The following PPP6R1 variants were observed in gnomAD, a reference collection of about 807,000 sequenced individuals.
The protein encoded by PPP6R1 is protein phosphatase 6 regulatory subunit 1, also known as serine/threonine-protein phosphatase 6 regulatory subunit 1.
PPP6R1 carries 39 observed loss-of-function variants against 104.6 expected under a neutral mutation model. The observed-to-expected ratio is 0.37, with a 90% CI of 0.29 to 0.49. The LOEUF is 0.49. Among genes scored for constraint, PPP6R1 ranks in the 20% least tolerant of loss-of-function variants. PPP6R1 has a pLI of 0.98. For synonymous variants in PPP6R1, 549 were observed against 479.0 expected (o/e 1.15, Z -1.91); for missense variants, 1,181 against 1,155.8 (o/e 1.02, Z -0.32).
chr19:55,246,463 TAAGTA>T (rs1437220142), intron 2 of PPP6R1, among the ~76,000 whole-genome samples: 3 of 142,944 alleles, frequency 2.1e-5, no homozygotes, highest in East Asian at 2.0e-4. Flanking sequence ...GATTAAAAAA[TAAGTA>T]AAGTGTCTTC....
intron 17 of PPP6R1, among the ~76,000 whole-genome samples, chr19:55,235,847 T>TC (rs1316611723): frequency 1.4e-5 from 2 of 146,768 alleles, no homozygotes; most frequent in East Asian, 4.0e-4. Context: ...ATTCTTTTTT[T>TC]TTTTTTTTTT....
rs200237875 is a variant in PPP6R1 at position 55,247,029 on chromosome 19, G to T, written c.75C>A (p.Pro25=). The T allele has an allele frequency of 5.6e-6, 9 of 1,613,750 alleles. No individual in the cohort carries two copies. The East Asian group carries it at 1.6e-4, about 28-fold the overall frequency. The change falls in exon 2 of 24, where the codon CCC becomes CCA. Residue 25 remains proline (P), a synonymous_variant. Coordinates refer to ENST00000412770, the MANE Select transcript of PPP6R1 (RefSeq NM_014931.4). ...GCACGTCTTCCTCGTCCAGCAGCTCGGGCAGGCTCAGGTCCTCCCGCTCCA... is the reference window on the plus strand; with the variant it reads ...GCACGTCTTCCTCGTCCAGCAGCTCTGGCAGGCTCAGGTCCTCCCGCTCCA... The part of the protein sequence containing the change: ...TLLEREDLSL[P]ELLDEEDVLQ...
intron 21 of PPP6R1, 28 bp downstream of exon 21, chr19:55,231,382 T>TGA: frequency 6.4e-7 from 1 of 1,559,956 alleles, no homozygotes; most frequent in Non-Finnish European, 8.7e-7. Flanking sequence ...CTTCTCCCGA[T>TGA]ACTAGGCAGC....
intron 17 of PPP6R1, among the ~76,000 whole-genome samples, chr19:55,235,588 G>A (rs552601437): frequency 2.0e-5 from 3 of 149,510 alleles, no homozygotes; most frequent in East Asian, 2.0e-4. Flanking sequence ...GCGCAATCTT[G>A]GCTCACTGCA....
intron 1 of PPP6R1, among the ~76,000 whole-genome samples, chr19:55,254,618 G>C (rs1040718353): frequency 3.3e-5 from 5 of 152,182 alleles, no homozygotes; most frequent in Non-Finnish European, 7.3e-5. Context: ...AGAAATGGAG[G>C]TCATGGGCAC....
At chr19:55,237,236 G>T (rs1246688636) in intron 15 of PPP6R1, among the ~76,000 whole-genome samples, 1 of 152,106 alleles carries the variant, frequency 6.6e-6, no homozygotes, top group Admixed American at 6.5e-5. Context: ...TGAGAAAATG[G>T]GGCTCGGAAA....
Position 55,258,437 on chromosome 19 carries a change from G to A in PPP6R1, c.-9C>T, listed in dbSNP as rs1003085638. Reference sequence around the variant, plus strand: ...GTCGGGCGACGCGGGCCGCTCACCTGCGAGGGGGGGCGGCGGCTCCTCGCA... The same window carrying A: ...GTCGGGCGACGCGGGCCGCTCACCTACGAGGGGGGGCGGCGGCTCCTCGCA... On this transcript the variant is annotated splice_region_variant and 5_prime_UTR_variant, in exon 1 of 24. Coordinates refer to ENST00000412770, the MANE Select transcript of PPP6R1 (RefSeq NM_014931.4). The A allele has an allele frequency of 6.0e-5, 9 of 151,228 alleles. No individual in the cohort carries two copies. Among genetic ancestry groups the A allele is most frequent in the African/African-American group, 1.7e-4 (7 of 41,388 alleles). The allele number at this position is 151,228 out of a possible 1,614,324, so 9.4% of individuals were successfully genotyped here.
At chr19:55,228,283 G>C, downstream of PPP6R1, 4 of 1,613,364 alleles carry the variant, frequency 2.5e-6, no homozygotes, top group Non-Finnish European at 3.4e-6. Context: ...GCCCCCGCTT[G>C]GGGACATGAC....
chr19:55,231,438 T>C lies in PPP6R1; in HGVS notation c.2431A>G (p.Ile811Val). The change falls in exon 21 of 24, where the codon ATC (isoleucine) becomes GTC (valine). Residue 811 changes from isoleucine to valine, a missense_variant. Physicochemically the swap from Ile to Val is conservative, Grantham distance 29 (BLOSUM62 3). Coordinates refer to ENST00000412770, the MANE Select transcript of PPP6R1 (RefSeq NM_014931.4). ...TCCGAGGAGCTGGGGGCAGAACGGA[T>C]CCCGTGGAAGGTGGCCTGAAGGTCC... ...IGDLQATFHG[I>V]RSAPSSSDSA... 1.9e-6 allele frequency: 3 copies of C among 1,606,178 alleles called. No individual in the cohort carries two copies. The South Asian group carries it at 3.4e-5, about 18-fold the overall frequency.
Position 55,236,580 on chromosome 19 carries a change from G to T in PPP6R1, c.1988+63C>A, listed in dbSNP as rs148983226. The T allele has an allele frequency of 8.2e-4, 1,187 of 1,442,998 alleles. 26 individuals are homozygous for T. The East Asian group carries it at 0.029, about 35-fold the overall frequency. The allele number at this position is 1,442,998 out of a possible 1,614,324, so 89.4% of individuals were successfully genotyped here. A position where few individuals can be genotyped will look rare whatever the true frequency, so the allele number is the denominator to read the frequency against. On this transcript the variant is annotated intron_variant, in intron 17 of 23. Coordinates refer to ENST00000412770, the MANE Select transcript of PPP6R1 (RefSeq NM_014931.4). The stretch of plus-strand genomic sequence containing the variant: ...TTCAGCCTCAGTCCAAATGTGTTGG[G>T]GGGACCCCTTGGCCCTGCCGTGTGG...
At chr19:55,257,466 T>C (rs947893879) in intron 1 of PPP6R1, among the ~76,000 whole-genome samples, 1 of 152,216 alleles carries the variant, frequency 6.6e-6, no homozygotes, top group African/African-American at 2.4e-5. Flanking sequence ...ATTCGAGGCC[T>C]GGATAAGCAC....
At chr19:55,228,995 A>C (rs115457296), downstream of PPP6R1, 3,168 of 476,000 alleles carry the variant, frequency 6.7e-3, 80 homozygotes, top group African/African-American at 0.057. Flanking sequence ...CTGCCTGGGG[A>C]GGTTAGGCCC....
chr19:55,251,202 T>A (rs746362802), intron 1 of PPP6R1, among the ~76,000 whole-genome samples: 1 of 152,128 alleles, frequency 6.6e-6, no homozygotes, highest in Non-Finnish European at 1.5e-5. Context: ...AGCATCTCTG[T>A]GACACAGCAA....
At position 55,245,702 on chromosome 19, in the gene PPP6R1, G is replaced by C; in HGVS notation, c.228-24C>G. 2.5e-6 allele frequency: 4 copies of C among 1,591,874 alleles called. No individual in the cohort carries two copies. Among genetic ancestry groups the C allele is most frequent in the Non-Finnish European group, 3.4e-6 (4 of 1,172,118 alleles). ...ACCTGGGAGGCAAGCACAGGCGGGT[G>C]GGGGCTCGGGTCGGAGGCCGGGGGC... is the stretch of plus-strand genomic sequence containing the variant. On this transcript the variant is annotated intron_variant, in intron 2 of 23. Transcript: ENST00000412770. This position sits in a 1 kb window ranked among gnomAD's most constrained non-coding sequence, Gnocchi z 6.4.
chr19:55,237,090 A>G (rs780931203), intron 15 of PPP6R1, 120 bp from the exon 16 acceptor site: 10 of 1,095,818 alleles, frequency 9.1e-6, no homozygotes, highest in Non-Finnish European at 1.4e-5. Context: ...CAGATTTGGT[A>G]TCTGCAAATT....
At position 55,245,074 on chromosome 19, in the gene PPP6R1, G is replaced by A. The variant is rs765232603; in HGVS notation, c.618+46C>T. 2 of 1,602,808 alleles carry A rather than the reference G, an allele frequency of 1.2e-6. No homozygotes were observed. Among genetic ancestry groups the A allele is most frequent in the African/African-American group, 1.3e-5 (1 of 74,878 alleles). On this transcript the variant is annotated intron_variant, in intron 5 of 23. Transcript: ENST00000412770. The surrounding 1 kb of genome is among the most constrained non-coding windows in gnomAD (Gnocchi z 6.4). Reference sequence around the variant, plus strand: ...TTTAAAAGTGGGGAAGTGGGCATGGGGAAGGAACTCTAAGGGGAATCCGCA... The same window carrying A: ...TTTAAAAGTGGGGAAGTGGGCATGGAGAAGGAACTCTAAGGGGAATCCGCA...
At chr19:55,251,766 A>T (rs1162083433) in intron 1 of PPP6R1, among the ~76,000 whole-genome samples, 1 of 152,200 alleles carries the variant, frequency 6.6e-6, no homozygotes, top group African/African-American at 2.4e-5. Context: ...ACTCAGGCTC[A>T]GCAAAGGTGA....
chr19:55,230,925 A>T (rs2122503380), intron 21 of PPP6R1, 41 bp from the exon 22 acceptor site: 1 of 1,485,402 alleles, frequency 6.7e-7, no homozygotes, highest in East Asian at 2.3e-5. Context: ...CGTGGCCCCC[A>T]CCGTCACCTG....
rs773423516 is a variant in PPP6R1 at position 55,247,239 on chromosome 19, A to T, written c.-6-130T>A. 5 of 985,040 alleles carry T rather than the reference A, an allele frequency of 5.1e-6. No individual in the cohort carries two copies. In the South Asian group the frequency reaches 5.9e-5, roughly 12 times the overall value. 61.0% of individuals were successfully genotyped at this position (985,040 alleles called of 1,614,324 possible). On this transcript the variant is annotated intron_variant, in intron 1 of 23. Coordinates refer to ENST00000412770, the MANE Select transcript of PPP6R1 (RefSeq NM_014931.4). ...TCCCCAAGTCCCAGCCCTCTGCCTC[A>T]TGCTGAGCCCGGCCCCGCCCCGGGA...
Sources: allele counts gnomAD v4.1 joint callset (sites outside exome capture counted in the v4.1 genomes callset), GRCh38; gene constraint gnomAD v4.1.1; non-coding constraint Gnocchi (gnomAD v3.1); transcripts MANE v1.5; gene names NCBI Gene and HGNC (gene_info 2026-07-23, HGNC 2026-07-21).